The following DBF4B variants were observed in gnomAD, a reference collection of about 807,000 sequenced individuals.
DBF4B encodes the protein DBF4B-CDC7 kinase regulatory subunit, also known as protein DBF4 homolog B.
In DBF4B, 49 loss-of-function variants were observed where a neutral mutation model predicts 53.4. The ratio of observed to expected loss-of-function variants is 0.92; its 90% confidence interval spans 0.73 to 1.16. The LOEUF is 1.16. DBF4B is among the 50% of genes most tolerant of loss of function. The pLI is 0.00. For synonymous variants in DBF4B, 257 were observed against 288.7 expected (o/e 0.89, Z 1.11); for missense variants, 692 against 775.0 (o/e 0.89, Z 1.27).
At position 44,730,038 on chromosome 17, in the gene DBF4B, C is replaced by T. The variant is rs771935079; in HGVS notation, c.359C>T (p.Ser120Leu). 7 of 1,613,318 alleles carry T rather than the reference C, an allele frequency of 4.3e-6. No homozygotes were observed. The highest frequency in any genetic ancestry group is 2.7e-5 in the African/African-American group (2 of 75,018). The change falls in exon 4 of 14, where the codon TCG (serine) becomes TTG (leucine). Residue 120 changes from serine (S) to leucine (L), a missense_variant. Ser to Leu is a moderately radical substitution (Grantham distance 145, BLOSUM62 -2). Around this residue, in one of 3 missense-constraint regions of DBF4B, gnomAD observed 597 missense variants for 665.8 expected, o/e 0.90. Coordinates refer to ENST00000315005, the MANE Select transcript of DBF4B (RefSeq NM_145663.3). Reference sequence around the variant, plus strand: ...CCCAGTGAGGTCAGAGTGGAAACATCGGCCATGGTTGATCCAAAAGGCAGC... The same window carrying T: ...CCCAGTGAGGTCAGAGTGGAAACATTGGCCATGGTTGATCCAAAAGGCAGC... The part of the protein sequence containing the change: ...PSPSEVRVET[S>L]AMVDPKGSHP...
chr17:44,721,551 A>T (rs1021135958), intron 2 of DBF4B, among the ~76,000 whole-genome samples: 16 of 151,810 alleles, frequency 1.1e-4, no homozygotes, highest in Non-Finnish European at 1.8e-4. Flanking sequence ...TTCCTGCTTT[A>T]TGTTTTCCTG....
At position 44,712,301 on chromosome 17, in the gene DBF4B, C is replaced by CTTTTTT. The variant is rs1163777667; in HGVS notation, c.82+2953_82+2958dup. On this transcript the variant is annotated intron_variant, in intron 2 of 13. Transcript: ENST00000315005. The stretch of plus-strand genomic sequence containing the variant: ...TGTTTTCCATTTTGAATTATGTCTT[C>CTTTTTT]TTTTTTTTTTTTTTTTTTTTTTTGA... Among the ~76,000 whole-genome samples, 102 of 71,932 alleles carry CTTTTTT rather than the reference C, an allele frequency of 1.4e-3. 1 individual carries two copies. Among genetic ancestry groups the CTTTTTT allele is most frequent in the East Asian group, 3.1e-3 (7 of 2,234 alleles). The allele number at this position is 71,932 out of a possible 152,430, so 47.2% of individuals were successfully genotyped here. A position where few individuals can be genotyped will look rare whatever the true frequency, so the allele number is the denominator to read the frequency against.
rs763860949 is a variant in DBF4B, at chr17:44,751,001, A to G, written c.1596A>G (p.Glu532=). Residue 532 remains glutamate, a synonymous_variant, in exon 14 of 14, where the codon GAA becomes GAG. Transcript: ENST00000315005. ...IPHDTTPLHE[E]VSPCPCLRLG... ...ATGACACCACCCCTCTGCATGAGGA[A>G]GTTTCCCCTTGCCCCTGTCTCAGAC... 1.2e-6 allele frequency: 2 copies of G among 1,613,916 alleles called. No individual in the cohort carries two copies. The highest frequency in any genetic ancestry group is 4.5e-5 in the East Asian group (2 of 44,884).
At chr17:44,730,251 C>T (rs1284203514) in intron 4 of DBF4B, among the ~76,000 whole-genome samples, 155 bp downstream of exon 4, 2 of 152,220 alleles carry the variant, frequency 1.3e-5, no homozygotes, top group African/African-American at 4.8e-5. Flanking sequence ...AGCTCTGGAT[C>T]TAAACACCTC....
chr17:44,727,861 G>C (rs2906780), intron 3 of DBF4B, among the ~76,000 whole-genome samples: 146,288 of 146,300 alleles, frequency 1, 73,138 homozygotes, highest in Middle Eastern at 1. Flanking sequence ...CCATGCCCGG[G>C]TAATTTTTTT....
At chr17:44,745,340 ACT>A (rs1976491988) in intron 10 of DBF4B, among the ~76,000 whole-genome samples, 1 of 152,020 alleles carries the variant, frequency 6.6e-6, no homozygotes, top group Non-Finnish European at 1.5e-5. Context: ...TTGTCTTTTA[ACT>A]CTGCTATATT....
intron 2 of DBF4B, among the ~76,000 whole-genome samples, chr17:44,712,988 C>G (rs1469266681): frequency 6.6e-6 from 1 of 151,126 alleles, no homozygotes; most frequent in Admixed American, 6.6e-5. Context: ...TTCCTTTTAT[C>G]TCCCCAGTAT....
intron 3 of DBF4B, among the ~76,000 whole-genome samples, chr17:44,727,526 A>G (rs1164127872): frequency 6.6e-6 from 1 of 152,204 alleles, no homozygotes; most frequent in African/African-American, 2.4e-5. Context: ...CTTTGCTGTC[A>G]AACCCAGAAA....
intron 13 of DBF4B, chr17:44,750,277 G>T: frequency 9.2e-7 from 1 of 1,092,826 alleles, no homozygotes; most frequent in Non-Finnish European, 1.1e-6. Flanking sequence ...AATTTGTACC[G>T]TGATTCTTCT....
chr17:44,751,331 C>T lies in DBF4B; in HGVS notation c.*78C>T, dbSNP rs990693362. On this transcript the variant is annotated 3_prime_UTR_variant, in exon 14 of 14. Transcript: ENST00000315005. ...ATGTGAATGAGGTCCCGCAGTGGCT[C>T]CTTGGCGTGAGCACTGCTCAGACTC... is the stretch of plus-strand genomic sequence containing the variant. 2.6e-6 allele frequency: 4 copies of T among 1,520,088 alleles called. No homozygotes were observed. The African/African-American group carries it at 4.1e-5, about 16-fold the overall frequency. 94.2% of individuals were successfully genotyped at this position (1,520,088 alleles called of 1,614,324 possible).
At chr17:44,719,869 A>G in intron 2 of DBF4B, 1 of 219,622 alleles carries the variant, frequency 4.6e-6, no homozygotes, top group Non-Finnish European at 9.6e-6. Context: ...ATGTGAGTCC[A>G]CAGCTTTCTG....
intron 7 of DBF4B, 71 bp downstream of exon 7, chr17:44,734,234 C>T: frequency 6.3e-7 from 1 of 1,580,310 alleles, no homozygotes; most frequent in Non-Finnish European, 8.7e-7. Flanking sequence ...TTAGGTAAAT[C>T]CATGGCCCAC....
intron 10 of DBF4B, 59 bp downstream of exon 10, chr17:44,741,511 CG>C: frequency 8.5e-7 from 1 of 1,181,962 alleles, no homozygotes; most frequent in Non-Finnish European, 1.2e-6. Context: ...TCCTCCCCAT[CG>C]GGGGCCTGCT....
intron 2 of DBF4B, among the ~76,000 whole-genome samples, chr17:44,715,149 A>G (rs1348912405): frequency 1.3e-5 from 2 of 151,440 alleles, no homozygotes; most frequent in East Asian, 1.9e-4. Context: ...TGGAACTTTT[A>G]TTGTTTGGAT....
chr17:44,711,586 C>G (rs537013732), intron 2 of DBF4B, among the ~76,000 whole-genome samples: 1 of 151,666 alleles, frequency 6.6e-6, no homozygotes, highest in Non-Finnish European at 1.5e-5. Flanking sequence ...CCAAGGCAGG[C>G]GGATCACCTG....
intron 13 of DBF4B, 133 bp downstream of exon 13, chr17:44,748,598 C>T: frequency 5.2e-6 from 8 of 1,530,574 alleles, no homozygotes; most frequent in South Asian, 1.2e-5. Flanking sequence ...GTGGACCCCC[C>T]AGGGATACCA....
chr17:44,747,029 TC>T (rs1342687887), intron 10 of DBF4B, 53 bp from the exon 11 acceptor site: 8 of 1,541,358 alleles, frequency 5.2e-6, no homozygotes, highest in African/African-American at 4.1e-5. Context: ...TAGTGGCTCC[TC>T]CCCCCAAGGG....
intron 3 of DBF4B, among the ~76,000 whole-genome samples, chr17:44,726,659 G>A (rs1300063511): frequency 1.3e-5 from 2 of 150,316 alleles, no homozygotes; most frequent in African/African-American, 2.5e-5. Context: ...ATTTGCGGTG[G>A]GAATATAATA....
Position 44,708,789 on chromosome 17 carries a change from G to A in DBF4B, c.-32G>A. On this transcript the variant is annotated 5_prime_UTR_variant, in exon 1 of 14. Transcript: ENST00000315005. ...TGTAATACGGAGGCCTCTGAGGAAGGAGTACGGAGGCCGAGAAGGAGCCGG... is the reference window on the plus strand; with the variant it reads ...TGTAATACGGAGGCCTCTGAGGAAGAAGTACGGAGGCCGAGAAGGAGCCGG... 1 of 1,550,746 alleles carries A rather than the reference G, an allele frequency of 6.4e-7. No homozygotes were observed. The highest frequency in any genetic ancestry group is 8.7e-7 in the Non-Finnish European group (1 of 1,146,570).
Sources: gnomAD v4.1 joint callset for allele counts (sites outside exome capture counted in the v4.1 genomes callset) on GRCh38, gnomAD v4.1.1 for gene constraint, gnomAD v4.1.1 regional missense constraint, MANE v1.5 for transcripts, NCBI Gene and HGNC (gene_info 2026-07-23, HGNC 2026-07-21) for gene names.